Variants in ASRGL1 observed in about 807,000 individuals in gnomAD.
The protein encoded by ASRGL1 is asparaginase and isoaspartyl peptidase 1.
Under a neutral mutation model 22.4 loss-of-function variants are expected in ASRGL1, and 16 were observed. That is an observed-to-expected ratio of 0.71 (90% CI 0.48 to 1.08). The LOEUF (loss-of-function observed/expected upper bound fraction) is 1.08, where lower values mean the gene tolerates loss of function less well. Among genes scored for constraint, ASRGL1 ranks in the 50% least tolerant of loss-of-function variants. ASRGL1 has a pLI of 0.00. For missense variants in ASRGL1, 412 were observed against 410.1 expected (o/e 1.00, Z -0.04); for synonymous variants, 165 against 159.3 (o/e 1.04, Z -0.27).
chr11:62,383,968 A>G (rs755232139), intron 4 of ASRGL1, among the ~76,000 whole-genome samples: 2 of 150,298 alleles, frequency 1.3e-5, no homozygotes, highest in Non-Finnish European at 3.0e-5. Context: ...AAAATATTTT[A>G]ATGGAATAAA....
At chr11:62,356,849 A>T (rs1198954091) in intron 3 of ASRGL1, 138 bp from the exon 4 acceptor site, 1 of 1,148,232 alleles carries the variant, frequency 8.7e-7, no homozygotes, top group East Asian at 2.7e-5. Flanking sequence ...TTCAGCATAC[A>T]GAAAAGCAAA....
chr11:62,394,067 TTTA>T (rs896311501), downstream of ASRGL1, among the ~76,000 whole-genome samples: 32 of 143,836 alleles, frequency 2.2e-4, no homozygotes, highest in Admixed American at 2.9e-4. Flanking sequence ...ATATGGTATA[TTTA>T]TTATATATTA....
intron 4 of ASRGL1, among the ~76,000 whole-genome samples, chr11:62,379,957 A>G (rs1400348493): frequency 6.6e-6 from 1 of 152,150 alleles, no homozygotes; most frequent in Non-Finnish European, 1.5e-5. Context: ...CATCTTGGAC[A>G]TAAGTCGGGT....
intron 4 of ASRGL1, among the ~76,000 whole-genome samples, chr11:62,384,795 A>G (rs1947161985): frequency 7.6e-6 from 1 of 131,978 alleles, no homozygotes; most frequent in South Asian, 2.8e-4. Context: ...GTGCATGCCC[A>G]TAATCCCAGC....
rs774433615 is a variant in ASRGL1, at chr11:62,356,313, T to C, written c.191-12T>C. On this transcript the variant is annotated splice_polypyrimidine_tract_variant and intron_variant, in intron 2 of 6. Transcript: ENST00000415229. ...TCTTAATTCTTGCTTTTCAACTTCTTTTTGGTTTTAGGTTGTGGGTCTGTC... is the reference window on the plus strand; with the variant it reads ...TCTTAATTCTTGCTTTTCAACTTCTCTTTGGTTTTAGGTTGTGGGTCTGTC... 2.5e-6 allele frequency: 4 copies of C among 1,612,164 alleles called. No individual in the cohort carries two copies. The highest frequency in any genetic ancestry group is 2.5e-6 in the Non-Finnish European group (3 of 1,178,872).
At chr11:62,338,709 G>GT (rs1244773180) in intron 2 of ASRGL1, among the ~76,000 whole-genome samples, 1 of 152,010 alleles carries the variant, frequency 6.6e-6, no homozygotes, top group Non-Finnish European at 1.5e-5. Context: ...GCCAAGGCGG[G>GT]TGGATCACCT....
chr11:62,342,986 C>T (rs1286781792), intron 2 of ASRGL1, among the ~76,000 whole-genome samples: 2 of 152,138 alleles, frequency 1.3e-5, no homozygotes, highest in African/African-American at 4.8e-5. Flanking sequence ...TCACTGTAAA[C>T]ATTTGCATAT....
intron 2 of ASRGL1, among the ~76,000 whole-genome samples, chr11:62,346,032 A>G (rs1946011647): frequency 6.6e-6 from 1 of 152,166 alleles, no homozygotes; most frequent in Admixed American, 6.6e-5. Context: ...GCATAGGGTG[A>G]GGTCAGTTCA....
intron 4 of ASRGL1, among the ~76,000 whole-genome samples, chr11:62,388,061 G>A (rs1334048050): frequency 6.6e-6 from 1 of 152,126 alleles, no homozygotes; most frequent in East Asian, 1.9e-4. Flanking sequence ...AGGCTATGTG[G>A]TCCGGCCTGT....
At chr11:62,391,982 C>T (rs1441587713) in intron 6 of ASRGL1, 97 bp from the exon 7 acceptor site, 23 of 1,423,724 alleles carry the variant, frequency 1.6e-5, no homozygotes, top group Non-Finnish European at 9.9e-6. Flanking sequence ...ACCAAAAATC[C>T]TTGCTAGCTC....
At chr11:62,387,226 A>T (rs889342462) in intron 4 of ASRGL1, among the ~76,000 whole-genome samples, 1 of 151,962 alleles carries the variant, frequency 6.6e-6, no homozygotes, top group African/African-American at 2.4e-5. Flanking sequence ...TTTAAGATTG[A>T]ACTCAGGTTG....
intron 4 of ASRGL1, among the ~76,000 whole-genome samples, chr11:62,360,787 G>C (rs1946414567): frequency 6.6e-6 from 1 of 152,128 alleles, no homozygotes; most frequent in Admixed American, 6.5e-5. Flanking sequence ...TAATCATGAA[G>C]AATCACACAC....
At position 62,357,085 on chromosome 11, in the gene ASRGL1, C is replaced by T. The variant is rs1001341003; in HGVS notation, c.432C>T (p.Asn144=). 3.7e-6 allele frequency: 6 copies of T among 1,613,848 alleles called. No individual in the cohort carries two copies. The highest frequency in any genetic ancestry group is 5.1e-6 in the Non-Finnish European group (6 of 1,179,980). ...IPGEKLVTER[N]KKRLEKEKHE... ...GAGAAAAACTGGTGACAGAGAGAAACAAAAAGCGCCTGGAAAAAGAGAAGC... is the reference window on the plus strand; with the variant it reads ...GAGAAAAACTGGTGACAGAGAGAAATAAAAAGCGCCTGGAAAAAGAGAAGC... Residue 144 remains asparagine (N), a synonymous_variant, in exon 4 of 7, where the codon AAC becomes AAT. Transcript: ENST00000415229.
At chr11:62,366,959 G>A (rs1319821296) in intron 4 of ASRGL1, among the ~76,000 whole-genome samples, 2 of 152,150 alleles carry the variant, frequency 1.3e-5, no homozygotes, top group African/African-American at 4.8e-5. Context: ...AATCCCAGCA[G>A]CTTGGGAGGC....
chr11:62,346,595 A>G (rs1946028960), intron 2 of ASRGL1, among the ~76,000 whole-genome samples: 1 of 152,224 alleles, frequency 6.6e-6, no homozygotes, highest in African/African-American at 2.4e-5. Context: ...TGGATAGAGC[A>G]CACAGCCCCC....
chr11:62,395,771 T>TC (rs1230617999), downstream of ASRGL1, among the ~76,000 whole-genome samples: 2 of 102,044 alleles, frequency 2.0e-5, no homozygotes, highest in Non-Finnish European at 4.4e-5. Context: ...TTTTTTTTTT[T>TC]TTTTTTTTTT....
intron 2 of ASRGL1, among the ~76,000 whole-genome samples, chr11:62,341,124 T>C (rs1157853615): frequency 2.6e-5 from 4 of 152,154 alleles, no homozygotes; most frequent in South Asian, 4.1e-4. Context: ...CTCAGCGATA[T>C]TTACACAGCA....
intron 4 of ASRGL1, among the ~76,000 whole-genome samples, chr11:62,368,203 G>C (rs1448051498): frequency 6.6e-6 from 1 of 152,086 alleles, no homozygotes; most frequent in Non-Finnish European, 1.5e-5. Context: ...CTCTTACTGT[G>C]CCTAATTTAT....
At chr11:62,359,078 A>G (rs1946372357) in intron 4 of ASRGL1, among the ~76,000 whole-genome samples, 1 of 152,142 alleles carries the variant, frequency 6.6e-6, no homozygotes, top group Non-Finnish European at 1.5e-5. Context: ...TTCATGAGTT[A>G]GTGTAGTGTC....
Sources: allele counts gnomAD v4.1 joint callset (sites outside exome capture counted in the v4.1 genomes callset), GRCh38; gene constraint gnomAD v4.1.1; transcripts MANE v1.5; gene names NCBI Gene and HGNC (gene_info 2026-07-23, HGNC 2026-07-21).